The following NPFFR1 variants were observed in gnomAD, a reference collection of about 807,000 sequenced individuals.
NPFFR1 encodes the protein G-protein coupled receptor 147.
Under a neutral mutation model 12.7 loss-of-function variants are expected in NPFFR1, and 17 were observed. The observed-to-expected ratio is 1.34, with a 90% CI of 0.92 to 2.01. The LOEUF (loss-of-function observed/expected upper bound fraction) is 2.01. NPFFR1 is among the 30% of genes most tolerant of loss of function. The probability of loss-of-function intolerance (pLI) is 0.00; values close to 1 mark genes in which losing one functional copy is unlikely to be tolerated. For missense variants in NPFFR1, 604 were observed against 606.5 expected, an observed-to-expected ratio of 1.00 and a Z score of 0.04; for synonymous variants, 296 against 264.5, an observed-to-expected ratio of 1.12 and a Z score of -1.16.
intron 3 of NPFFR1, among the ~76,000 whole-genome samples, chr10:70,258,520 A>G (rs1840600163): frequency 6.6e-6 from 1 of 152,114 alleles, no homozygotes; most frequent in Non-Finnish European, 1.5e-5. Context: ...TACTCAAAAT[A>G]CTTTCTGAGC....
chr10:70,259,765 ACT>A (rs1471150878), intron 3 of NPFFR1, among the ~76,000 whole-genome samples: 1 of 152,198 alleles, frequency 6.6e-6, no homozygotes, highest in African/African-American at 2.4e-5. Flanking sequence ...TGATATTTGG[ACT>A]CTATGCCAAG....
Position 70,255,157 on chromosome 10 carries a change from C to G in NPFFR1, c.1093G>C (p.Gly365Arg), listed in dbSNP as rs1372202110. 1 of 1,541,546 alleles carries G rather than the reference C, an allele frequency of 6.5e-7. No individual in the cohort carries two copies. The highest frequency in any genetic ancestry group is 1.8e-4 in the Middle Eastern group (1 of 5,682). Reference sequence around the variant, plus strand: ...AAGACCCGCCTGTGCAGAAGCCCGCCGGGCCGCTCGGAGTAGGCCTCCTTG... The same window carrying G: ...AAGACCCGCCTGTGCAGAAGCCCGCGGGGCCGCTCGGAGTAGGCCTCCTTG... ...SHKEAYSERPGGLLHRRVFVV... is the reference protein window; with the variant it reads ...SHKEAYSERPRGLLHRRVFVV... Residue 365 changes from glycine to arginine, a missense_variant, in exon 4 of 4, where the codon GGC (glycine) becomes CGC (arginine). Gly to Arg is a moderately radical substitution (Grantham distance 125). Coordinates refer to ENST00000277942, the MANE Select transcript of NPFFR1 (RefSeq NM_022146.5). The surrounding 1 kb of genome is among the most constrained non-coding windows in gnomAD (Gnocchi z 4.2).
At chr10:70,261,822 C>A (rs932472021) in intron 2 of NPFFR1, among the ~76,000 whole-genome samples, 1 of 152,180 alleles carries the variant, frequency 6.6e-6, no homozygotes, top group Admixed American at 6.5e-5. Context: ...CGCTCTGTCA[C>A]TGAGGCTGGA....
chr10:70,271,465 A>G (rs1390005900), intron 1 of NPFFR1, among the ~76,000 whole-genome samples: 1 of 152,178 alleles, frequency 6.6e-6, no homozygotes, highest in East Asian at 1.9e-4. Flanking sequence ...GTGAGCTATG[A>G]TTACACCACT....
chr10:70,272,860 AG>A (rs1840764157), intron 1 of NPFFR1, among the ~76,000 whole-genome samples: 2 of 152,368 alleles, frequency 1.3e-5, no homozygotes, highest in South Asian at 4.1e-4. Context: ...TGAGAGGGAA[AG>A]TATTGACCAT....
At chr10:70,281,023 C>T (rs1333492501) in intron 1 of NPFFR1, among the ~76,000 whole-genome samples, 2 of 151,794 alleles carry the variant, frequency 1.3e-5, no homozygotes, top group African/African-American at 4.9e-5. Context: ...ACAACAACAA[C>T]AAAGAATTCT....
chr10:70,281,807 G>A (rs1005401392), intron 1 of NPFFR1, among the ~76,000 whole-genome samples: 1 of 152,090 alleles, frequency 6.6e-6, no homozygotes, highest in African/African-American at 2.4e-5. Context: ...TGGCTATCTG[G>A]ATGGTTTCCA....
At chr10:70,279,911 G>T (rs1339039506) in intron 1 of NPFFR1, among the ~76,000 whole-genome samples, 1 of 152,158 alleles carries the variant, frequency 6.6e-6, no homozygotes, top group Non-Finnish European at 1.5e-5. Flanking sequence ...CCACCACAGA[G>T]CCACTCTACT....
Position 70,254,815 on chromosome 10 carries a change from A to G in NPFFR1, c.*142T>C, listed in dbSNP as rs1554832560. 1 of 1,003,922 alleles carries G rather than the reference A, an allele frequency of 1.0e-6. No homozygotes were observed. Among genetic ancestry groups the G allele is most frequent in the Non-Finnish European group, 1.3e-6 (1 of 760,740 alleles). 62.2% of individuals were successfully genotyped at this position (1,003,922 alleles called of 1,614,324 possible). On this transcript the variant is annotated 3_prime_UTR_variant, in exon 4 of 4. Transcript: ENST00000277942. ...GGGTGAAGGCAGCAGAGAAGACATC[A>G]CCAGCAGCTGCCCACCACTGCCTGG...
rs1335435615 is a variant in NPFFR1 at position 70,254,543 on chromosome 10, C to G, written c.*414G>C. 1 of 170,564 alleles carries G rather than the reference C, an allele frequency of 5.9e-6. No homozygotes were observed. Among genetic ancestry groups the G allele is most frequent in the Non-Finnish European group, 1.2e-5 (1 of 80,986 alleles). 10.6% of individuals were successfully genotyped at this position (170,564 alleles called of 1,614,324 possible). ...TTCACAGTGTTCTACCTTACCGGGC[C>G]CTCTTGGAGCCAGCTGGAGATGATA... On this transcript the variant is annotated 3_prime_UTR_variant, in exon 4 of 4. Coordinates refer to ENST00000277942, the MANE Select transcript of NPFFR1 (RefSeq NM_022146.5).
intron 3 of NPFFR1, among the ~76,000 whole-genome samples, chr10:70,257,932 T>G (rs1432379082): frequency 2.6e-5 from 4 of 152,194 alleles, no homozygotes; most frequent in Admixed American, 2.0e-4. Flanking sequence ...TTGAACTTAA[T>G]TATGACATAG....
Position 70,266,292 on chromosome 10 carries a change from T to A in NPFFR1, c.107A>T (p.Tyr36Phe). Residue 36 changes from tyrosine to phenylalanine, a missense_variant, in exon 2 of 4, where the codon TAT (tyrosine) becomes TTT (phenylalanine). Transcript: ENST00000277942. The part of the protein sequence containing the change: ...PATNLTFSSY[Y>F]QHTSPVAAMF... Reference sequence around the variant, plus strand: ...GGCCGCCACAGGGGAGGTGTGCTGATAGTAGGAGGAGAAGGTGAGGTTTGT... The same window carrying A: ...GGCCGCCACAGGGGAGGTGTGCTGAAAGTAGGAGGAGAAGGTGAGGTTTGT... The A allele has an allele frequency of 6.2e-7, 1 of 1,613,758 alleles. No homozygotes were observed. Among genetic ancestry groups the A allele is most frequent in the Non-Finnish European group, 8.5e-7 (1 of 1,179,804 alleles).
chr10:70,280,907 C>G (rs1169546873), intron 1 of NPFFR1, among the ~76,000 whole-genome samples: 1 of 152,150 alleles, frequency 6.6e-6, no homozygotes, highest in Non-Finnish European at 1.5e-5. Flanking sequence ...GAGGTTGAGG[C>G]AACAAAATTG....
At chr10:70,268,966 C>T (rs1341097973) in intron 1 of NPFFR1, among the ~76,000 whole-genome samples, 3 of 152,256 alleles carry the variant, frequency 2.0e-5, no homozygotes, top group Admixed American at 1.3e-4. Context: ...ATTTGGTAGA[C>T]GTGATGCTGA....
At position 70,265,727 on chromosome 10, in the gene NPFFR1, T is replaced by TTA. The variant is rs1840683368; in HGVS notation, c.322+348_322+349dup. On this transcript the variant is annotated intron_variant, in intron 2 of 3. Coordinates refer to ENST00000277942, the MANE Select transcript of NPFFR1 (RefSeq NM_022146.5). ...GTGAGAATGTTGACCTTGACACCTA[T>TTA]TAGCTGTGTAACTACAGACCAGTTT... 2.6e-5 allele frequency among the ~76,000 whole-genome samples: 4 copies of TTA among 152,330 alleles called. No individual in the cohort carries two copies. The South Asian group carries it at 8.3e-4, about 32-fold the overall frequency.
chr10:70,273,524 C>A (rs1396300284), intron 1 of NPFFR1, among the ~76,000 whole-genome samples: 2 of 152,206 alleles, frequency 1.3e-5, no homozygotes, highest in South Asian at 2.1e-4. Context: ...TTGGCACACA[C>A]TTTCAAGGCA....
rs1379317557 is a variant in NPFFR1 at position 70,249,281 on chromosome 10, C to A, written c.*5676G>T. 1 of 151,760 alleles carries A rather than the reference C, an allele frequency of 6.6e-6. No individual in the cohort carries two copies. The highest frequency in any genetic ancestry group is 1.9e-4 in the East Asian group (1 of 5,146). 9.4% of individuals were successfully genotyped at this position (151,760 alleles called of 1,614,324 possible). A position where few individuals can be genotyped will look rare whatever the true frequency, so the allele number is the denominator to read the frequency against. ...GGGTGTGGTGGCAGATGCCTGTAAT[C>A]CCAGCTACTCAGGAGGCTGAGGCAG... On this transcript the variant is annotated 3_prime_UTR_variant, in exon 4 of 4. Coordinates refer to ENST00000277942, the MANE Select transcript of NPFFR1 (RefSeq NM_022146.5).
Position 70,255,748 on chromosome 10 carries a change from G to A in NPFFR1, c.502C>T (p.Leu168=), listed in dbSNP as rs373480073. Residue 168 remains leucine, a synonymous_variant, in exon 4 of 4, where the codon CTG becomes TTG. Coordinates refer to ENST00000277942, the MANE Select transcript of NPFFR1 (RefSeq NM_022146.5). This position sits in a 1 kb window ranked among gnomAD's most constrained non-coding sequence, Gnocchi z 4.2. ...ALVTIAVIWA[L]ALLIMCPSAV... is the part of the protein sequence containing the mutation. Reference sequence around the variant, plus strand: ...GAGGGACACATGATGAGCAGCGCCAGGGCCCAGATGACGGCGATGGTGACG... The same window carrying A: ...GAGGGACACATGATGAGCAGCGCCAAGGCCCAGATGACGGCGATGGTGACG... 953 of 1,611,680 alleles carry A rather than the reference G, an allele frequency of 5.9e-4. 6 individuals carry two copies. In the African/African-American group the frequency reaches 0.012, roughly 20 times the overall value.
intron 3 of NPFFR1, among the ~76,000 whole-genome samples, chr10:70,257,409 A>G (rs1399977211): frequency 1.3e-5 from 2 of 152,264 alleles, no homozygotes; most frequent in Non-Finnish European, 2.9e-5. Context: ...TAAGGGATCT[A>G]GGGCTGTGCA....
Sources: gnomAD v4.1 joint callset for allele counts (sites outside exome capture counted in the v4.1 genomes callset) on GRCh38, gnomAD v4.1.1 for gene constraint, Gnocchi (gnomAD v3.1) non-coding constraint, MANE v1.5 for transcripts, NCBI Gene and HGNC (gene_info 2026-07-23, HGNC 2026-07-21) for gene names.